The following TRIM14 variants were observed in gnomAD, a reference collection of about 807,000 sequenced individuals.
TRIM14 encodes the protein tripartite motif containing 14, also known as tripartite motif-containing protein 14.
A neutral mutation model predicts 44.5 loss-of-function variants in TRIM14; 28 were observed. The observed-to-expected ratio is 0.63, with a 90% CI of 0.47 to 0.86. The LOEUF is 0.86. Ranked by LOEUF, TRIM14 falls within the 40% of genes least tolerant of loss-of-function variation. The pLI, the probability that TRIM14 is intolerant of heterozygous loss-of-function variation, is 0.00. For missense variants in TRIM14, 607 were observed against 611.1 expected (o/e 0.99, Z 0.07); for synonymous variants, 299 against 269.2 (o/e 1.11, Z -1.08).
At chr9:98,110,362 C>T (rs1564189168) in intron 1 of TRIM14, 1 of 211,404 alleles carries the variant, frequency 4.7e-6, no homozygotes, top group Non-Finnish European at 9.6e-6. Flanking sequence ...ATGTGCTGGG[C>T]CCTGTTCCAG....
chr9:98,087,332 G>C lies in TRIM14; in HGVS notation c.*138C>G, dbSNP rs143608336. 125 of 1,325,450 alleles carry C rather than the reference G, an allele frequency of 9.4e-5. No individual in the cohort carries two copies. The highest frequency in any genetic ancestry group is 1.3e-4 in the Non-Finnish European group (118 of 917,502). 82.1% of individuals were successfully genotyped at this position (1,325,450 alleles called of 1,614,324 possible). On this transcript the variant is annotated 3_prime_UTR_variant, in exon 6 of 6. Transcript: ENST00000341469. ...GAAACCTTCAAAGCACTGTAGGCGT[G>C]ATTGGTCGGGGAAAGCTGGGGCAGG...
At chr9:98,055,891 C>T in the TRIM14 span, among the ~76,000 whole-genome samples, 9 of 152,176 alleles carry the variant, frequency 5.9e-5, no homozygotes, top group East Asian at 1.5e-3. Flanking sequence ...GCACGCACCA[C>T]CACGCCCGGC....
intron 6 of TRIM14, among the ~76,000 whole-genome samples, chr9:98,072,856 C>G (rs1350971233): frequency 6.6e-6 from 1 of 152,108 alleles, no homozygotes; most frequent in Non-Finnish European, 1.5e-5. Context: ...TAGAAACAGG[C>G]ATTTATTGAA....
the TRIM14 span, among the ~76,000 whole-genome samples, chr9:98,049,210 C>T: frequency 1.1e-3 from 162 of 151,550 alleles, no homozygotes; most frequent in Admixed American, 1.8e-3. Context: ...GGCGTGGTAG[C>T]GCATGCCTGT....
Position 98,088,008 on chromosome 9 carries a change from G to A in TRIM14, c.794-3C>T. The A allele has an allele frequency of 2.0e-6, 3 of 1,524,556 alleles. No individual in the cohort carries two copies. Among genetic ancestry groups the A allele is most frequent in the Middle Eastern group, 2.2e-4 (1 of 4,474 alleles). 94.4% of individuals were successfully genotyped at this position (1,524,556 alleles called of 1,614,324 possible). A position where few individuals can be genotyped will look rare whatever the true frequency, so the allele number is the denominator to read the frequency against. On this transcript the variant is annotated splice_region_variant and splice_polypyrimidine_tract_variant and intron_variant, in intron 5 of 5. Transcript: ENST00000341469. ...ATCCAGCGTGGGCGTGCGCGCGTCT[G>A]CAGGGGGCGAGACAAGGGACGCACC...
At chr9:98,106,825 CTTTT>C (rs990996900) in intron 2 of TRIM14, among the ~76,000 whole-genome samples, 2 of 116,182 alleles carry the variant, frequency 1.7e-5, no homozygotes, top group Non-Finnish European at 1.8e-5. Flanking sequence ...TTTCTTTCTT[CTTTT>C]TTTTTTTTTT....
At chr9:98,081,277 G>A, downstream of TRIM14, 1 of 690,830 alleles carries the variant, frequency 1.4e-6, no homozygotes, top group Admixed American at 3.0e-5. Context: ...GCAGCAGCAG[G>A]AGACACATGT....
At chr9:98,101,980 C>A (rs867726993) in intron 2 of TRIM14, among the ~76,000 whole-genome samples, 13 of 148,420 alleles carry the variant, frequency 8.8e-5, no homozygotes, top group South Asian at 2.1e-4. Flanking sequence ...TGCACCCCAG[C>A]CTGGGCGACA....
downstream of TRIM14, among the ~76,000 whole-genome samples, chr9:98,065,358 G>C (rs1829109290): frequency 7.3e-6 from 1 of 136,430 alleles, no homozygotes; most frequent in East Asian, 2.0e-4. Flanking sequence ...TGTTGCCCAG[G>C]CTGGAGTGCA....
At chr9:98,044,498 C>T in the TRIM14 span, among the ~76,000 whole-genome samples, 4 of 151,474 alleles carry the variant, frequency 2.6e-5, no homozygotes, top group African/African-American at 4.9e-5. Flanking sequence ...TTCAGCCTCC[C>T]GAGTAGCTGG....
At chr9:98,057,681 C>T in the TRIM14 span, among the ~76,000 whole-genome samples, 1 of 152,090 alleles carries the variant, frequency 6.6e-6, no homozygotes, top group African/African-American at 2.4e-5. Context: ...TTGGGACTGC[C>T]ATATTCTTCA....
At chr9:98,038,519 G>A in the TRIM14 span, among the ~76,000 whole-genome samples, 20 of 152,222 alleles carry the variant, frequency 1.3e-4, no homozygotes, top group African/African-American at 3.9e-4. Context: ...AAAGTACTAC[G>A]TTACTTTACT....
In TRIM14 at chr9:98,087,949, C is replaced by T. The variant is rs1171933288; in HGVS notation, c.850G>A (p.Ala284Thr). The T allele has an allele frequency of 6.4e-7, 1 of 1,565,914 alleles. No individual in the cohort carries two copies. The highest frequency in any genetic ancestry group is 8.6e-7 in the Non-Finnish European group (1 of 1,166,474). ...CCGCAGCGCACCGTCAGGCGATCGG[C>T]GGACAGGCGCAGGCGCGCGTGCATC... ...DTMHARLRLS[A>T]DRLTVRCGLL... Residue 284 changes from alanine (A) to threonine (T), a missense_variant, in exon 6 of 6, where the codon GCC (alanine) becomes ACC (threonine). Ala to Thr is a moderately conservative substitution (Grantham distance 58). This residue lies in a region of TRIM14 where 356 missense variants were observed against 323.0 expected (regional missense o/e 1.10). Coordinates refer to ENST00000341469, the MANE Select transcript of TRIM14 (RefSeq NM_014788.4).
rs552011507 is a variant in TRIM14 at position 98,098,689 on chromosome 9, G to A, written c.537+1242C>T. Among the ~76,000 whole-genome samples, 449 of 152,088 alleles carry A rather than the reference G, an allele frequency of 3.0e-3. 3 individuals carry two copies. The highest frequency in any genetic ancestry group is 4.5e-3 in the Non-Finnish European group (303 of 68,010). On this transcript the variant is annotated intron_variant, in intron 3 of 5. Transcript: ENST00000341469. ...ACTGCACTCCAGCCTGGGCGACAGA[G>A]CAAGACTCCGTCTCAAAAAAAAAGA...
chr9:98,064,391 T>A (rs1335878138), downstream of TRIM14, among the ~76,000 whole-genome samples: 1 of 152,068 alleles, frequency 6.6e-6, no homozygotes, highest in Non-Finnish European at 1.5e-5. Flanking sequence ...GTAGCTGGGA[T>A]TACAGGCGCC....
At chr9:98,057,094 C>T in the TRIM14 span, among the ~76,000 whole-genome samples, 1 of 152,250 alleles carries the variant, frequency 6.6e-6, no homozygotes, top group Non-Finnish European at 1.5e-5. Context: ...TCGGATCCCT[C>T]TTCCTCACCG....
intron 3 of TRIM14, among the ~76,000 whole-genome samples, chr9:98,096,256 A>C: frequency 6.6e-6 from 1 of 152,186 alleles, no homozygotes. Flanking sequence ...CATTCAGCCT[A>C]GGAGGCCAGG....
chr9:98,053,652 C>CAT, the TRIM14 span, among the ~76,000 whole-genome samples: 1 of 151,784 alleles, frequency 6.6e-6, no homozygotes, highest in Non-Finnish European at 1.5e-5. Flanking sequence ...CACACACACA[C>CAT]ATACAGGCCA....
intron 1 of TRIM14, among the ~76,000 whole-genome samples, chr9:98,114,620 C>T (rs1266742414): frequency 6.6e-6 from 1 of 152,118 alleles, no homozygotes; most frequent in African/African-American, 2.4e-5. Context: ...CCGCACCCAG[C>T]CGACAATTTT....
Sources: allele counts gnomAD v4.1 joint callset (sites outside exome capture counted in the v4.1 genomes callset), GRCh38; gene constraint gnomAD v4.1.1; regional missense constraint gnomAD v4.1.1; transcripts MANE v1.5; gene names NCBI Gene and HGNC (gene_info 2026-07-23, HGNC 2026-07-21).